The following ATP6V0A4 variants were observed in gnomAD, a reference collection of about 807,000 sequenced individuals.
ATP6V0A4 encodes V-type proton ATPase 116 kDa subunit a 4.
Under a neutral mutation model 107.3 loss-of-function variants are expected in ATP6V0A4, and 86 were observed. That is an observed-to-expected ratio of 0.80 (90% CI 0.67 to 0.96). ATP6V0A4 has a LOEUF of 0.96. Ranked by LOEUF, ATP6V0A4 falls within the 40% of genes least tolerant of loss-of-function variation. The probability of loss-of-function intolerance (pLI) is 0.00; values close to 1 mark genes in which losing one functional copy is unlikely to be tolerated. For missense variants in ATP6V0A4, 908 were observed against 1,045.6 expected, an observed-to-expected ratio of 0.87 and a Z score of 1.81; for synonymous variants, 353 against 381.4, an observed-to-expected ratio of 0.93 and a Z score of 0.87.
intron 1 of ATP6V0A4, among the ~76,000 whole-genome samples, chr7:138,790,742 TA>T (rs1382927741): frequency 1.3e-5 from 2 of 152,214 alleles, no homozygotes; most frequent in African/African-American, 4.8e-5. Context: ...ATGAAATTTC[TA>T]AAGGGCTACA....
chr7:138,718,806 G>A (rs1206312970), intron 19 of ATP6V0A4, among the ~76,000 whole-genome samples: 1 of 152,080 alleles, frequency 6.6e-6, no homozygotes, highest in Non-Finnish European at 1.5e-5. Context: ...AATGAAAGCA[G>A]CTGTGAGGAA....
Position 138,793,373 on chromosome 7 carries a change from T to C in ATP6V0A4, c.-121+4661A>G, listed in dbSNP as rs1584957259. The stretch of plus-strand genomic sequence containing the variant: ...CAATTTGCCAGGAAGTTGTCAAAAT[T>C]CCGTATTTGTTTGTACCTCAATTAC... On this transcript the variant is annotated intron_variant, in intron 1 of 21. Coordinates refer to ENST00000310018, the MANE Select transcript of ATP6V0A4 (RefSeq NM_020632.3). Among the ~76,000 whole-genome samples the C allele has an allele frequency of 2.0e-5, 3 of 152,170 alleles. No individual in the cohort carries two copies. The East Asian group carries it at 5.8e-4, about 29-fold the overall frequency.
In ATP6V0A4 at chr7:138,742,233, C is replaced by G. The variant is rs564095128; in HGVS notation, c.1479-2600G>C. Among the ~76,000 whole-genome samples the G allele has an allele frequency of 5.9e-5, 9 of 152,132 alleles. No individual in the cohort carries two copies. The South Asian group carries it at 1.9e-3, about 32-fold the overall frequency. ...CCTGAGGTCAGGAGTTCAAGACCAG[C>G]CTGGCCAACATGGTGAAACCCCGTC... On this transcript the variant is annotated intron_variant, in intron 14 of 21. Transcript: ENST00000310018.
intron 18 of ATP6V0A4, among the ~76,000 whole-genome samples, chr7:138,723,065 A>AAG (rs1418448327): frequency 6.6e-6 from 1 of 151,548 alleles, no homozygotes; most frequent in Admixed American, 6.6e-5. Flanking sequence ...CAAAAAAAAA[A>AAG]AAAAAAAGAA....
At chr7:138,718,685 G>A (rs1172513754) in intron 19 of ATP6V0A4, among the ~76,000 whole-genome samples, 1 of 126,718 alleles carries the variant, frequency 7.9e-6, no homozygotes, top group Non-Finnish European at 1.8e-5. Context: ...GCGGGGGGGG[G>A]GGGTGCAGTC....
intron 19 of ATP6V0A4, among the ~76,000 whole-genome samples, chr7:138,721,452 T>A: frequency 6.6e-6 from 1 of 151,910 alleles, no homozygotes. Context: ...GGCAGGAGAA[T>A]CACTTGAGCC....
intron 14 of ATP6V0A4, among the ~76,000 whole-genome samples, chr7:138,741,119 G>C (rs1447235147): frequency 1.3e-5 from 2 of 152,052 alleles, no homozygotes; most frequent in East Asian, 3.9e-4. Flanking sequence ...ACTCCAGCCT[G>C]GGCAACAGAG....
In ATP6V0A4 at chr7:138,762,906, G is replaced by A; in HGVS notation, c.411C>T (p.Phe137=). 2 of 1,614,008 alleles carry A rather than the reference G, an allele frequency of 1.2e-6. No homozygotes were observed. The highest frequency in any genetic ancestry group is 2.2e-5 in the East Asian group (1 of 44,892). ...LKYLLKKTQD[F]FETETNLADD... is the part of the protein sequence containing the mutation. ...CTCATCCCCACGTGACCACCTCAAA[G>A]AAGTCTTGGGTTTTCTTCAGGAGGT... Residue 137 remains phenylalanine (F), a synonymous_variant, in exon 6 of 22, where the codon TTC becomes TTT. Transcript: ENST00000310018.
chr7:138,743,235 A>C (rs930709327), intron 14 of ATP6V0A4, among the ~76,000 whole-genome samples: 3 of 152,034 alleles, frequency 2.0e-5, no homozygotes, highest in Non-Finnish European at 4.4e-5. Flanking sequence ...AGGCAGGTGG[A>C]TCAATTCAGG....
Position 138,722,011 on chromosome 7 carries a change from C to T in ATP6V0A4, c.2025G>A (p.Arg675=). ...SHRKSQLQAS[R]IQEDATENIE... is the part of the protein sequence containing the mutation. ...TGTTCTCAGTGGCATCTTCTTGGAT[C>T]CTGGATGCCTGCAGCTGACAACAAG... The change falls in exon 19 of 22, where the codon AGG becomes AGA. Residue 675 remains arginine, a synonymous_variant. Coordinates refer to ENST00000310018, the MANE Select transcript of ATP6V0A4 (RefSeq NM_020632.3). 6.2e-7 allele frequency: 1 copy of T among 1,614,116 alleles called. No individual in the cohort carries two copies. The highest frequency in any genetic ancestry group is 8.5e-7 in the Non-Finnish European group (1 of 1,180,026).
intron 10 of ATP6V0A4, among the ~76,000 whole-genome samples, chr7:138,753,921 C>T (rs1806371986): frequency 6.6e-6 from 1 of 152,126 alleles, no homozygotes; most frequent in South Asian, 2.1e-4. Context: ...AGGGACTGAG[C>T]CAAAGGAGAA....
chr7:138,722,322 C>T (rs1413800474), intron 18 of ATP6V0A4, among the ~76,000 whole-genome samples: 2 of 150,716 alleles, frequency 1.3e-5, no homozygotes, highest in African/African-American at 4.9e-5. Context: ...AGAGAGACTC[C>T]GTCTCAAAAA....
At chr7:138,789,405 G>A (rs1180218086) in intron 1 of ATP6V0A4, among the ~76,000 whole-genome samples, 3 of 151,476 alleles carry the variant, frequency 2.0e-5, no homozygotes, top group Admixed American at 1.3e-4. Flanking sequence ...CCACCATCAC[G>A]CCTGCCTAGT....
chr7:138,730,869 T>C (rs750717080), intron 17 of ATP6V0A4, among the ~76,000 whole-genome samples: 1 of 151,994 alleles, frequency 6.6e-6, no homozygotes, highest in Non-Finnish European at 1.5e-5. Context: ...CTGTTTCTGA[T>C]TCTTATCTAC....
intron 12 of ATP6V0A4, 139 bp downstream of exon 12, chr7:138,749,028 T>G: frequency 8.7e-7 from 1 of 1,148,834 alleles, no homozygotes; most frequent in Non-Finnish European, 1.3e-6. Context: ...ATCCTACTTA[T>G]TCCTCTGATT....
chr7:138,742,384 A>C (rs891526145), intron 14 of ATP6V0A4, among the ~76,000 whole-genome samples: 1 of 152,140 alleles, frequency 6.6e-6, no homozygotes, highest in Non-Finnish European at 1.5e-5. Flanking sequence ...CCAAAATCGC[A>C]CCATTGCACT....
chr7:138,762,562 A>C, intron 6 of ATP6V0A4, 128 bp from the exon 7 acceptor site: 6 of 1,502,210 alleles, frequency 4.0e-6, no homozygotes, highest in Non-Finnish European at 5.4e-6. Flanking sequence ...CAGAAGTCAG[A>C]AAACAGAGTG....
At chr7:138,707,873 T>G (rs73166922) in intron 21 of ATP6V0A4, among the ~76,000 whole-genome samples, 14,718 of 151,042 alleles carry the variant, frequency 0.097, 945 homozygotes, top group Middle Eastern at 0.17. Context: ...CAAGACACCC[T>G]CACTGTGCAG....
intron 19 of ATP6V0A4, among the ~76,000 whole-genome samples, chr7:138,717,613 G>T (rs922022347): frequency 2.6e-5 from 4 of 151,244 alleles, no homozygotes; most frequent in African/African-American, 9.7e-5. Context: ...TTCATTCAGA[G>T]ATAACAAAAC....
Sources: gnomAD v4.1 joint callset for allele counts (sites outside exome capture counted in the v4.1 genomes callset) on GRCh38, gnomAD v4.1.1 for gene constraint, MANE v1.5 for transcripts, NCBI Gene and HGNC (gene_info 2026-07-23, HGNC 2026-07-21) for gene names.